ZNF793: variants seen among roughly 807,000 people sequenced by gnomAD.
The protein encoded by ZNF793 is zinc finger protein 793.
Under a neutral mutation model 12.4 loss-of-function variants are expected in ZNF793, and 5 were observed. The ratio of observed to expected loss-of-function variants is 0.40; its 90% confidence interval spans 0.21 to 0.84. The LOEUF (loss-of-function observed/expected upper bound fraction) is 0.84. Among genes scored for constraint, ZNF793 ranks in the 40% least tolerant of loss-of-function variants. The pLI is 0.35. For synonymous variants in ZNF793, 162 were observed against 172.4 expected (o/e 0.94, Z 0.47); for missense variants, 456 against 495.0 (o/e 0.92, Z 0.75).
chr19:37,509,398 A>G (rs2042275712), intron 2 of ZNF793, among the ~76,000 whole-genome samples: 1 of 152,260 alleles, frequency 6.6e-6, no homozygotes, highest in Admixed American at 6.5e-5. Context: ...CAATGTCAAA[A>G]CAATATTTTA....
In ZNF793 at chr19:37,541,163, A is replaced by T. The variant is rs1216113449; in HGVS notation, c.*3284A>T. 6.9e-6 allele frequency: 1 copy of T among 145,090 alleles called. No individual in the cohort carries two copies. Among genetic ancestry groups the T allele is most frequent in the Non-Finnish European group, 1.5e-5 (1 of 66,730 alleles). The allele number at this position is 145,090 out of a possible 1,614,324, so 9.0% of individuals were successfully genotyped here. On this transcript the variant is annotated 3_prime_UTR_variant, in exon 8 of 8. Transcript: ENST00000627814. ...AGGTGAAATCTGAAACCACAGGGGA[A>T]AAGAGTAGTTTACTTAAAAAGAATT...
Position 37,532,415 on chromosome 19 carries a change from G to A in ZNF793, c.75G>A (p.Leu25=). The change falls in exon 6 of 8, where the codon CTG becomes CTA. Residue 25 remains leucine, a synonymous_variant. Coordinates refer to ENST00000627814, the MANE Select transcript of ZNF793 (RefSeq NM_001013659.3). The part of the protein sequence containing the change: ...VGFTQEEWHR[L]SPAQRALYRD... ...TCACCCAAGAGGAGTGGCACCGGCT[G>A]AGTCCTGCTCAGAGGGCCCTGTACC... 1 of 1,614,164 alleles carries A rather than the reference G, an allele frequency of 6.2e-7. No individual in the cohort carries two copies. Among genetic ancestry groups the A allele is most frequent in the Middle Eastern group, 1.6e-4 (1 of 6,062 alleles).
chr19:37,523,406 A>C lies in ZNF793; in HGVS notation c.-30-4A>C. On this transcript the variant is annotated splice_region_variant and splice_polypyrimidine_tract_variant and intron_variant, in intron 4 of 7. Transcript: ENST00000627814. ...TCCATCTTCTTCCCCCCACATGTCT[A>C]CAGGTGTCAGATCTTTTTCAAGAAC... The C allele has an allele frequency of 1.2e-6, 2 of 1,609,932 alleles. No individual in the cohort carries two copies. Among genetic ancestry groups the C allele is most frequent in the Non-Finnish European group, 1.7e-6 (2 of 1,176,256 alleles).
chr19:37,521,655 C>G (rs533406654), intron 3 of ZNF793, among the ~76,000 whole-genome samples: 10 of 151,584 alleles, frequency 6.6e-5, no homozygotes, highest in African/African-American at 4.8e-5. Flanking sequence ...GTTGGTCAGG[C>G]TTGTCTCGAA....
chr19:37,518,394 T>C (rs2042349529), intron 2 of ZNF793, among the ~76,000 whole-genome samples: 1 of 152,108 alleles, frequency 6.6e-6, no homozygotes, highest in African/African-American at 2.4e-5. Flanking sequence ...CCCAAAGTGC[T>C]GGCATTACAA....
intron 2 of ZNF793, among the ~76,000 whole-genome samples, chr19:37,515,747 A>AT (rs2042327148): frequency 1.3e-5 from 2 of 152,336 alleles, no homozygotes; most frequent in East Asian, 3.9e-4. Context: ...AAAACATTGC[A>AT]TTTTGAGATG....
rs1250100857 is a variant in ZNF793, at chr19:37,543,141, G to GTA, written c.*5268_*5269dup. 1 of 152,124 alleles carries GTA rather than the reference G, an allele frequency of 6.6e-6. No homozygotes were observed. Among genetic ancestry groups the GTA allele is most frequent in the Non-Finnish European group, 1.5e-5 (1 of 68,020 alleles). 9.4% of individuals were successfully genotyped at this position (152,124 alleles called of 1,614,324 possible). A position where few individuals can be genotyped will look rare whatever the true frequency, so the allele number is the denominator to read the frequency against. The stretch of plus-strand genomic sequence containing the variant: ...AAAAAAAGTAAAAACTCCTGTGTGT[G>GTA]TATATATGCATGTGGATGTTTATAT... On this transcript the variant is annotated 3_prime_UTR_variant, in exon 8 of 8. Coordinates refer to ENST00000627814, the MANE Select transcript of ZNF793 (RefSeq NM_001013659.3).
intron 2 of ZNF793, among the ~76,000 whole-genome samples, chr19:37,514,520 C>T (rs1232796951): frequency 6.6e-6 from 1 of 152,024 alleles, no homozygotes; most frequent in East Asian, 1.9e-4. Flanking sequence ...TGTGCCACTG[C>T]ACTCCAGCGT....
intron 2 of ZNF793, among the ~76,000 whole-genome samples, chr19:37,511,546 C>T (rs952404202): frequency 6.6e-6 from 1 of 152,180 alleles, no homozygotes; most frequent in African/African-American, 2.4e-5. Flanking sequence ...TGACAAGCAC[C>T]TGTAATCCCA....
chr19:37,536,777 G>A (rs904415801), intron 7 of ZNF793, 120 bp from the exon 8 acceptor site: 21 of 1,121,108 alleles, frequency 1.9e-5, no homozygotes, highest in Middle Eastern at 2.6e-4. Context: ...TCTTCCCTGC[G>A]TTTGTGCTTT....
Position 37,534,888 on chromosome 19 carries a change from C to T in ZNF793, c.238+1485C>T, listed in dbSNP as rs184325780. 1,194 of 152,236 alleles carry T rather than the reference C, an allele frequency of 7.8e-3. 8 individuals carry two copies. The highest frequency in any genetic ancestry group is 0.011 in the South Asian group (54 of 4,868). 9.4% of individuals were successfully genotyped at this position (152,236 alleles called of 1,614,324 possible). A position where few individuals can be genotyped will look rare whatever the true frequency, so the allele number is the denominator to read the frequency against. Reference sequence around the variant, plus strand: ...TTGTAGAGAAGGGGTTTTGCAGTGCCGCTCAGGCTGGTCTCAAACTCCTGG... The same window carrying T: ...TTGTAGAGAAGGGGTTTTGCAGTGCTGCTCAGGCTGGTCTCAAACTCCTGG... On this transcript the variant is annotated intron_variant, in intron 7 of 7. Coordinates refer to ENST00000627814, the MANE Select transcript of ZNF793 (RefSeq NM_001013659.3).
chr19:37,527,476 C>T (rs1359030663), intron 5 of ZNF793, among the ~76,000 whole-genome samples: 2 of 152,170 alleles, frequency 1.3e-5, no homozygotes, highest in Admixed American at 1.3e-4. Context: ...AGGCTTTACA[C>T]CTTTTAACTA....
At chr19:37,533,424 A>G in intron 7 of ZNF793, 21 bp downstream of exon 7, 2 of 1,606,746 alleles carry the variant, frequency 1.2e-6, no homozygotes, top group Non-Finnish European at 1.7e-6. Flanking sequence ...TAAATCTAGC[A>G]AAAGGGGTAC....
intron 2 of ZNF793, among the ~76,000 whole-genome samples, chr19:37,516,214 A>C (rs758143393): frequency 5.8e-4 from 89 of 152,314 alleles, no homozygotes; most frequent in Non-Finnish European, 5.7e-4. Context: ...GGCTCACTGC[A>C]ACCTCCACCT....
rs1372824887 is a variant in ZNF793 at position 37,543,048 on chromosome 19, G to T, written c.*5169G>T. The T allele has an allele frequency of 6.6e-6, 1 of 152,154 alleles. No individual in the cohort carries two copies. The highest frequency in any genetic ancestry group is 2.4e-5 in the African/African-American group (1 of 41,438). The allele number at this position is 152,154 out of a possible 1,614,324, so 9.4% of individuals were successfully genotyped here. A position where few individuals can be genotyped will look rare whatever the true frequency, so the allele number is the denominator to read the frequency against. ...GGGGGAGCTAGAATTTTGCTAATTT[G>T]TGGGGATGTTCATGGTATATATTGT... On this transcript the variant is annotated 3_prime_UTR_variant, in exon 8 of 8. Transcript: ENST00000627814.
Position 37,532,372 on chromosome 19 carries a change from A to G in ZNF793, c.32A>G (p.Lys11Arg). 1 of 1,614,042 alleles carries G rather than the reference A, an allele frequency of 6.2e-7. No homozygotes were observed. Among genetic ancestry groups the G allele is most frequent in the Non-Finnish European group, 8.5e-7 (1 of 1,179,952 alleles). ...TTTCAACAGATACCTGTGTCATTCA[A>G]AGATGTGGTTGTGGGCTTCACCCAA... MIEYQIPVSF[K>R]DVVVGFTQEE... Residue 11 changes from lysine (K) to arginine (R), a missense_variant, in exon 6 of 8, where the codon AAA becomes AGA. Physicochemically the swap from Lys to Arg is conservative, Grantham distance 26. Transcript: ENST00000627814.
At position 37,515,421 on chromosome 19, in the gene ZNF793, A is replaced by C. The variant is rs188935081; in HGVS notation, c.-275-4763A>C. ...TTCCCGGGTCCACGCCATTCTCCTG[A>C]CTCAGCCTCCCAAGTAGCTAGGACC... On this transcript the variant is annotated intron_variant, in intron 2 of 7. Transcript: ENST00000627814. Among the ~76,000 whole-genome samples, 16 of 150,972 alleles carry C rather than the reference A, an allele frequency of 1.1e-4. No individual in the cohort carries two copies. In the East Asian group the frequency reaches 1.2e-3, roughly 11 times the overall value.
Position 37,538,946 on chromosome 19 carries a change from A to T in ZNF793, c.*1067A>T, listed in dbSNP as rs1356046752. On this transcript the variant is annotated 3_prime_UTR_variant, in exon 8 of 8. Transcript: ENST00000627814. ...CATCATTGTCTTTTGATGTCTTAAC[A>T]ATACAAAAAAATAACAACAACATGG... 1 of 152,236 alleles carries T rather than the reference A, an allele frequency of 6.6e-6. No individual in the cohort carries two copies. Among genetic ancestry groups the T allele is most frequent in the Non-Finnish European group, 1.5e-5 (1 of 68,042 alleles). The allele number at this position is 152,236 out of a possible 1,614,324, so 9.4% of individuals were successfully genotyped here. A position where few individuals can be genotyped will look rare whatever the true frequency, so the allele number is the denominator to read the frequency against.
chr19:37,528,499 T>C (rs1188337918), intron 5 of ZNF793, among the ~76,000 whole-genome samples: 1 of 152,028 alleles, frequency 6.6e-6, no homozygotes, highest in Non-Finnish European at 1.5e-5. Context: ...ACAAGGACAC[T>C]CTTAGGACAT....
Sources: allele counts gnomAD v4.1 joint callset (sites outside exome capture counted in the v4.1 genomes callset), GRCh38; gene constraint gnomAD v4.1.1; transcripts MANE v1.5; gene names NCBI Gene and HGNC (gene_info 2026-07-23, HGNC 2026-07-21).